Variants in MGAT5 observed in about 807,000 individuals in gnomAD.
MGAT5 encodes the protein alpha-1,6-mannosylglycoprotein 6-beta-N-acetylglucosaminyltransferase, also known as alpha-1,6-mannosylglycoprotein 6-beta-N-acetylglucosaminyltransferase A.
MGAT5 carries 30 observed loss-of-function variants against 94.3 expected under a neutral mutation model. That is an observed-to-expected ratio of 0.32 (90% confidence interval 0.24 to 0.43). The LOEUF is 0.43. MGAT5 is among the 20% of genes least tolerant of loss of function. The pLI, the probability that MGAT5 is intolerant of heterozygous loss-of-function variation, is 1.00. For synonymous variants in MGAT5, 310 were observed against 322.9 expected (o/e 0.96, Z 0.43); for missense variants, 691 against 905.5 (o/e 0.76, Z 3.04).
rs59065013 is a variant in MGAT5 at position 134,145,214 on chromosome 2, C to CTGTGTGTGTGTGTGTG, written c.-143+24939_-143+24954dup. On this transcript the variant is annotated intron_variant, in intron 1 of 16. Coordinates refer to the MGAT5 transcript ENST00000409645. ...GTAAGGTGTGTGTGTGTCTCTCTCT[C>CTGTGTGTGTGTGTGTG]TGTGTGTGTGTGTGTGTGTGTGTGT... Among the ~76,000 whole-genome samples the CTGTGTGTGTGTGTGTG allele has an allele frequency of 1.2e-3, 177 of 143,866 alleles. 1 individual carries two copies. Among genetic ancestry groups the CTGTGTGTGTGTGTGTG allele is most frequent in the African/African-American group, 4.4e-3 (171 of 38,572 alleles). The allele number at this position is 143,866 out of a possible 152,430, so 94.4% of individuals were successfully genotyped here. A position where few individuals can be genotyped will look rare whatever the true frequency, so the allele number is the denominator to read the frequency against.
intron 15 of MGAT5, among the ~76,000 whole-genome samples, chr2:134,445,617 CTTTT>C (rs3838504): frequency 6.6e-6 from 1 of 152,044 alleles, no homozygotes; most frequent in Non-Finnish European, 1.5e-5. Context: ...GAGGCTTTGC[CTTTT>C]TTTATTCTTC....
At chr2:134,428,263 C>A in intron 13 of MGAT5, 102 bp from the exon 14 acceptor site, 3 of 1,055,478 alleles carry the variant, frequency 2.8e-6, no homozygotes, top group South Asian at 1.4e-5. Context: ...ATGAGGCCGA[C>A]TCCTGGTGTT....
At position 134,189,607 on chromosome 2, in the gene MGAT5, T is replaced by TTTTTTTTTTTTTTTTTTG. The variant is rs1553490420; in HGVS notation, c.-142-64642_-142-64641insTTTTGTTTTTTTTTTTTT. ...CATGGCTCTAGTTTTTTTTTGTTTT[T>TTTTTTTTTTTTTTTTTTG]TTTTTTTTTTTTTAAGACAGAGTCT... On this transcript the variant is annotated intron_variant, in intron 1 of 16. Transcript: ENST00000409645. Among the ~76,000 whole-genome samples the TTTTTTTTTTTTTTTTTTG allele has an allele frequency of 4.7e-4, 38 of 80,654 alleles. 1 individual carries two copies. Among genetic ancestry groups the TTTTTTTTTTTTTTTTTTG allele is most frequent in the Non-Finnish European group, 7.0e-4 (30 of 42,850 alleles). The allele number at this position is 80,654 out of a possible 152,430, so 52.9% of individuals were successfully genotyped here. A position where few individuals can be genotyped will look rare whatever the true frequency, so the allele number is the denominator to read the frequency against.
chr2:134,267,771 C>G (rs1458651632), intron 1 of MGAT5, among the ~76,000 whole-genome samples: 3 of 152,234 alleles, frequency 2.0e-5, no homozygotes, highest in Non-Finnish European at 4.4e-5. Context: ...TTAGCTCCCC[C>G]ATAGGGAGGA....
chr2:134,297,197 A>AG (rs1491095528), intron 2 of MGAT5, among the ~76,000 whole-genome samples: 2 of 4,734 alleles, frequency 4.2e-4, no homozygotes, highest in Non-Finnish European at 1.7e-3. Context: ...ACCTGGTCTC[A>AG]AAAAAAAAAA....
intron 7 of MGAT5, among the ~76,000 whole-genome samples, chr2:134,343,624 C>T (rs1688752381): frequency 6.6e-6 from 1 of 152,178 alleles, no homozygotes; most frequent in South Asian, 2.1e-4. Flanking sequence ...AATTAGATCA[C>T]AACCCTTGGG....
In MGAT5 at chr2:134,283,809, C is replaced by T. The variant is rs970102514; in HGVS notation, c.406+13259C>T. On this transcript the variant is annotated intron_variant, in intron 2 of 15. Coordinates refer to ENST00000281923, the MANE Select transcript of MGAT5 (RefSeq NM_002410.5). ...CTGGGTCCTGTTCTTAACAGGAGAA[C>T]GATACAGCTTCCCCCGGCCGCTGGG... Among the ~76,000 whole-genome samples, 19 of 151,594 alleles carry T rather than the reference C, an allele frequency of 1.3e-4. No homozygotes were observed. The East Asian group carries it at 3.5e-3, about 28-fold the overall frequency.
chr2:134,424,756 C>T (rs34816507), intron 13 of MGAT5, among the ~76,000 whole-genome samples: 19,750 of 152,214 alleles, frequency 0.13, 1,703 homozygotes, highest in East Asian at 0.31. Context: ...TGGCCCACCC[C>T]CGAAGTCTCT....
intron 1 of MGAT5, among the ~76,000 whole-genome samples, chr2:134,207,693 C>T (rs1279045037): frequency 6.6e-6 from 1 of 152,102 alleles, no homozygotes; most frequent in Admixed American, 6.5e-5. Context: ...GAAAGCCCTG[C>T]CTTACCAGGG....
At chr2:134,132,307 T>C (rs981632711) in intron 1 of MGAT5, among the ~76,000 whole-genome samples, 4 of 152,234 alleles carry the variant, frequency 2.6e-5, no homozygotes, top group African/African-American at 9.6e-5. Flanking sequence ...CTAGTTTTCC[T>C]TTCTGAAACT....
chr2:134,185,888 C>T (rs542694749), intron 1 of MGAT5, among the ~76,000 whole-genome samples: 4 of 152,268 alleles, frequency 2.6e-5, no homozygotes, highest in African/African-American at 7.2e-5. Context: ...TCTGTTTCCC[C>T]GAGTCCAATT....
intron 1 of MGAT5, among the ~76,000 whole-genome samples, chr2:134,151,920 C>T (rs1687212808): frequency 8.1e-6 from 1 of 123,986 alleles, no homozygotes; most frequent in Non-Finnish European, 1.7e-5. Context: ...TCACTCACGC[C>T]CTGTGGGACC....
intron 10 of MGAT5, among the ~76,000 whole-genome samples, chr2:134,375,865 G>A (rs1162739612): frequency 6.6e-6 from 1 of 152,144 alleles, no homozygotes; most frequent in African/African-American, 2.4e-5. Flanking sequence ...CAGTAGTGCT[G>A]GCTTTCACCA....
intron 1 of MGAT5, among the ~76,000 whole-genome samples, chr2:134,150,961 G>C (rs1687138370): frequency 6.6e-6 from 1 of 152,154 alleles, no homozygotes; most frequent in African/African-American, 2.4e-5. Context: ...ATCTGAGGCT[G>C]TTGTGACTTG....
chr2:134,375,217 T>C (rs986444352), intron 10 of MGAT5, among the ~76,000 whole-genome samples: 1 of 152,236 alleles, frequency 6.6e-6, no homozygotes, highest in Non-Finnish European at 1.5e-5. Flanking sequence ...GTGAAAGAAC[T>C]GAAGCAGATA....
chr2:134,398,440 G>C lies in MGAT5; in HGVS notation c.1381-4548G>C, dbSNP rs16830541. On this transcript the variant is annotated intron_variant, in intron 10 of 15. Transcript: ENST00000281923. ...GGAGCCAACTTTGGGCTGAGCTGCA[G>C]AATTTTTTAATGACAGGTCATAAGG... Among the ~76,000 whole-genome samples the C allele has an allele frequency of 6.9e-3, 1,055 of 152,322 alleles. 12 individuals carry two copies. The highest frequency in any genetic ancestry group is 0.021 in the African/African-American group (877 of 41,566).
intron 6 of MGAT5, among the ~76,000 whole-genome samples, chr2:134,338,698 CT>C (rs1337190252): frequency 6.6e-6 from 1 of 152,254 alleles, no homozygotes; most frequent in East Asian, 1.9e-4. Context: ...TATCAGGAAA[CT>C]TTCCCCCATT....
chr2:134,189,602 G>GTTTTTTTTTTTTTTTT (rs912983981), intron 1 of MGAT5, among the ~76,000 whole-genome samples: 1,037 of 84,504 alleles, frequency 0.012, 68 homozygotes, highest in Non-Finnish European at 0.019. Context: ...GTTTTTTTTT[G>GTTTTTTTTTTTTTTTT]TTTTTTTTTT....
At chr2:134,407,794 T>G (rs1398954659) in intron 11 of MGAT5, among the ~76,000 whole-genome samples, 1 of 152,206 alleles carries the variant, frequency 6.6e-6, no homozygotes, top group Non-Finnish European at 1.5e-5. Context: ...AACTTCACTG[T>G]CACGCTGAGT....
Sources: allele counts gnomAD v4.1 joint callset (sites outside exome capture counted in the v4.1 genomes callset), GRCh38; gene constraint gnomAD v4.1.1; transcripts MANE v1.5; gene names NCBI Gene and HGNC (gene_info 2026-07-23, HGNC 2026-07-21).